EVI5: variants seen among roughly 807,000 people sequenced by gnomAD.
EVI5 encodes the protein ecotropic viral integration site 5 protein homolog.
A neutral mutation model predicts 112.0 loss-of-function variants in EVI5; 73 were observed. The observed-to-expected ratio is 0.65, with a 90% confidence interval of 0.54 to 0.79. The LOEUF (loss-of-function observed/expected upper bound fraction) is 0.79, where lower values mean the gene tolerates loss of function less well. Ranked by LOEUF, EVI5 falls within the 30% of genes least tolerant of loss-of-function variation. The pLI is 0.00. For synonymous variants in EVI5, 305 were observed against 319.9 expected, an observed-to-expected ratio of 0.95 and a Z score of 0.50; for missense variants, 900 against 968.8, an observed-to-expected ratio of 0.93 and a Z score of 0.94.
intron 19 of EVI5, among the ~76,000 whole-genome samples, chr1:92,525,625 T>C (rs549794420): frequency 1.3e-5 from 2 of 152,310 alleles, no homozygotes; most frequent in African/African-American, 2.4e-5. Flanking sequence ...TTGACTAGGT[T>C]AGTAATTTTA....
chr1:92,545,296 G>A (rs1426943140), intron 19 of EVI5, among the ~76,000 whole-genome samples: 1 of 151,772 alleles, frequency 6.6e-6, no homozygotes, highest in Non-Finnish European at 1.5e-5. Context: ...TGCTGGTCTT[G>A]AACTCCTGGC....
At chr1:92,591,664 G>A (rs1673930367) in intron 18 of EVI5, among the ~76,000 whole-genome samples, 2 of 152,150 alleles carry the variant, frequency 1.3e-5, no homozygotes, top group Admixed American at 6.5e-5. Context: ...ATAATAATGG[G>A]AGACTTTAAC....
chr1:92,756,163 G>C, intron 1 of EVI5: 1 of 389,332 alleles, frequency 2.6e-6, no homozygotes, highest in South Asian at 2.3e-5. Flanking sequence ...TATGAATGTA[G>C]TATTAACAAA....
chr1:92,551,278 C>T (rs1365989144), intron 19 of EVI5, among the ~76,000 whole-genome samples: 1 of 39,842 alleles, frequency 2.5e-5, no homozygotes, highest in Non-Finnish European at 4.1e-5. Flanking sequence ...CCACCCGCCT[C>T]TGCCTTCCCT....
At chr1:92,709,699 C>A (rs751710778) in intron 2 of EVI5, among the ~76,000 whole-genome samples, 3 of 151,944 alleles carry the variant, frequency 2.0e-5, no homozygotes, top group African/African-American at 2.4e-5. Context: ...GAAGTCTCTC[C>A]CCAGTGAACT....
intron 19 of EVI5, among the ~76,000 whole-genome samples, chr1:92,540,465 A>G (rs1021402800): frequency 2.6e-5 from 4 of 152,204 alleles, no homozygotes; most frequent in African/African-American, 7.2e-5. Flanking sequence ...TCCACTGGCC[A>G]TCTGGTATAT....
intron 1 of EVI5, among the ~76,000 whole-genome samples, chr1:92,768,235 C>T (rs1046516871): frequency 6.6e-6 from 1 of 152,062 alleles, no homozygotes; most frequent in African/African-American, 2.4e-5. Flanking sequence ...CAGAAAAAAT[C>T]AGACATTTCT....
chr1:92,643,326 G>A (rs1419915907), intron 13 of EVI5, among the ~76,000 whole-genome samples: 1 of 129,198 alleles, frequency 7.7e-6, no homozygotes, highest in Non-Finnish European at 1.6e-5. Context: ...AAGAGATAGG[G>A]TCTTGCTCTG....
intron 19 of EVI5, among the ~76,000 whole-genome samples, chr1:92,534,000 G>A (rs1020581316): frequency 2.6e-5 from 4 of 152,220 alleles, no homozygotes; most frequent in African/African-American, 9.6e-5. Flanking sequence ...GTCTCTGTTT[G>A]CAGATGACAT....
intron 17 of EVI5, 25 bp downstream of exon 17, chr1:92,607,555 CA>C: frequency 3.3e-6 from 5 of 1,514,292 alleles, no homozygotes; most frequent in Non-Finnish European, 4.4e-6. Flanking sequence ...TGACAAAAAA[CA>C]AAATCAGTTA....
chr1:92,712,663 A>G (rs1673021797), intron 2 of EVI5, among the ~76,000 whole-genome samples: 1 of 152,154 alleles, frequency 6.6e-6, no homozygotes, highest in African/African-American at 2.4e-5. Context: ...GAAGATCTAC[A>G]GACCTTTCCT....
intron 1 of EVI5, among the ~76,000 whole-genome samples, chr1:92,761,165 T>A (rs1558219251): frequency 6.6e-6 from 1 of 152,092 alleles, no homozygotes. Context: ...AGTCTCAAAT[T>A]GACTATTACA....
chr1:92,711,127 T>C (rs933868592), intron 2 of EVI5, among the ~76,000 whole-genome samples: 2 of 152,206 alleles, frequency 1.3e-5, no homozygotes, highest in South Asian at 2.1e-4. Context: ...TCTATAATAC[T>C]ATGATTTGAA....
In EVI5 at chr1:92,579,505, G is replaced by A. The variant is rs928760485; in HGVS notation, c.2071-15768C>T. On this transcript the variant is annotated intron_variant, in intron 18 of 19. Coordinates refer to ENST00000684568, the MANE Select transcript of EVI5 (RefSeq NM_001350197.2). ...ATCAATGGTATTTTATATATTTCAC[G>A]GAAATAATATACTATAAAATTAATT... Among the ~76,000 whole-genome samples, 12 of 151,866 alleles carry A rather than the reference G, an allele frequency of 7.9e-5. No homozygotes were observed. In the South Asian group the frequency reaches 1.0e-3, roughly 13 times the overall value.
chr1:92,602,850 C>A (rs1537498), intron 18 of EVI5, among the ~76,000 whole-genome samples: 140,281 of 152,250 alleles, frequency 0.92, 64,712 homozygotes, highest in East Asian at 0.97. Context: ...AACCCAGGTA[C>A]GTTGATTCAG....
At chr1:92,588,353 C>T (rs142483054) in intron 18 of EVI5, among the ~76,000 whole-genome samples, 2 of 152,358 alleles carry the variant, frequency 1.3e-5, no homozygotes, top group East Asian at 3.9e-4. Context: ...CCATGTCTCA[C>T]TCCACCCAGA....
intron 18 of EVI5, among the ~76,000 whole-genome samples, chr1:92,584,196 T>TA (rs1393370338): frequency 6.6e-6 from 1 of 152,092 alleles, no homozygotes; most frequent in East Asian, 1.9e-4. Flanking sequence ...CTCTCTTTCG[T>TA]AAAAAATCAA....
At chr1:92,716,618 A>C (rs1673737004) in intron 2 of EVI5, among the ~76,000 whole-genome samples, 1 of 150,820 alleles carries the variant, frequency 6.6e-6, no homozygotes, top group Non-Finnish European at 1.5e-5. Context: ...ATGGAGAATG[A>C]CTTTGAGGAG....
At chr1:92,541,737 T>C (rs1383756559) in intron 19 of EVI5, among the ~76,000 whole-genome samples, 1 of 152,240 alleles carries the variant, frequency 6.6e-6, no homozygotes, top group East Asian at 1.9e-4. Flanking sequence ...GATGAATGGA[T>C]AAATACAAAT....
Sources: gnomAD v4.1 joint callset for allele counts (sites outside exome capture counted in the v4.1 genomes callset) on GRCh38, gnomAD v4.1.1 for gene constraint, MANE v1.5 for transcripts, NCBI Gene and HGNC (gene_info 2026-07-23, HGNC 2026-07-21) for gene names.